Variants in POLG2 observed in about 807,000 individuals in gnomAD.
POLG2 encodes the protein DNA polymerase gamma 2, accessory subunit.
A neutral mutation model predicts 56.5 loss-of-function variants in POLG2; 50 were observed. That is an observed-to-expected ratio of 0.88 (90% CI 0.71 to 1.12). The LOEUF is 1.12. POLG2 is among the 50% of genes most tolerant of loss of function. POLG2 has a pLI of 0.00. For missense variants in POLG2, 584 were observed against 583.3 expected, an observed-to-expected ratio of 1.00 and a Z score of -0.01; for synonymous variants, 226 against 222.6, an observed-to-expected ratio of 1.02 and a Z score of -0.14.
intron 3 of POLG2, 85 bp from the exon 4 acceptor site, chr17:64,491,054 G>T: frequency 9.4e-7 from 1 of 1,062,422 alleles, no homozygotes; most frequent in Non-Finnish European, 1.5e-6. Context: ...AATTTAAATT[G>T]TCCGATACTT....
At chr17:64,483,513 C>CAAA (rs537704912) in intron 5 of POLG2, among the ~76,000 whole-genome samples, 1 of 113,450 alleles carries the variant, frequency 8.8e-6, no homozygotes, top group African/African-American at 2.9e-5. Flanking sequence ...GATCCTGTCT[C>CAAA]AAAAAAAAAA....
chr17:64,479,591 AT>A (rs1239380868), intron 7 of POLG2, among the ~76,000 whole-genome samples: 2 of 152,364 alleles, frequency 1.3e-5, no homozygotes, highest in South Asian at 2.1e-4. Flanking sequence ...CTTAAAAAAA[AT>A]AACAAGAATG....
intron 4 of POLG2, among the ~76,000 whole-genome samples, chr17:64,486,724 A>G (rs1035043153): frequency 2.0e-5 from 3 of 152,162 alleles, no homozygotes; most frequent in Admixed American, 6.5e-5. Flanking sequence ...GGCCTTAGGG[A>G]AAAAAATGGT....
chr17:64,496,326 G>T, intron 1 of POLG2, 81 bp downstream of exon 1: 1 of 886,452 alleles, frequency 1.1e-6, no homozygotes, highest in Non-Finnish European at 1.8e-6. Flanking sequence ...TACAGGGCCA[G>T]TTGCAATCCC....
intron 5 of POLG2, chr17:64,484,277 A>G (rs1371246632): frequency 6.6e-6 from 1 of 152,270 alleles, no homozygotes; most frequent in Non-Finnish European, 1.5e-5. Flanking sequence ...ACACTTGAGC[A>G]AACACTCGAA....
chr17:64,491,660 C>T, intron 3 of POLG2: 1 of 1,337,546 alleles, frequency 7.5e-7, no homozygotes, highest in Non-Finnish European at 1.1e-6. Context: ...ACTGGTACTA[C>T]AACAAGTACA....
chr17:64,492,967 T>G lies in POLG2; in HGVS notation c.617A>C (p.Tyr206Ser). The stretch of plus-strand genomic sequence containing the variant: ...ACACACTCCAATCTGAGCAAGGCCA[T>G]AAGGTAGCCTCTTGTTTACCAGATC... ...CLDLVNKRLP[Y>S]GLAQIGVCFH... is the part of the protein sequence containing the mutation. Residue 206 changes from tyrosine (Y) to serine (S), a missense_variant, in exon 2 of 8, where the codon TAT becomes TCT. Coordinates refer to ENST00000539111, the MANE Select transcript of POLG2 (RefSeq NM_007215.4). 1 of 1,613,978 alleles carries G rather than the reference T, an allele frequency of 6.2e-7. No homozygotes were observed.
chr17:64,488,827 G>A (rs1416876296), intron 4 of POLG2, among the ~76,000 whole-genome samples: 1 of 152,006 alleles, frequency 6.6e-6, no homozygotes, highest in Non-Finnish European at 1.5e-5. Context: ...AATTAACCGG[G>A]CGTGGTGGCG....
rs782340170 is a variant in POLG2, at chr17:64,490,883, G to C, written c.882C>G (p.Pro294=). Residue 294 remains proline (P), a synonymous_variant, in exon 4 of 8, where the codon CCC becomes CCG. Coordinates refer to ENST00000539111, the MANE Select transcript of POLG2 (RefSeq NM_007215.4). ...RKGNKLYYNF[P]WGKELIETLW... ...GGGTTTCTATTAACTCCTTTCCCCA[G>C]GGAAAATTGTAGTAAAGTTTGTTTC... The C allele has an allele frequency of 3.0e-5, 49 of 1,613,520 alleles. No individual in the cohort carries two copies. The East Asian group carries it at 1.0e-3, about 34-fold the overall frequency.
chr17:64,491,668 A>G, intron 3 of POLG2: 1 of 1,299,294 alleles, frequency 7.7e-7, no homozygotes, highest in South Asian at 1.2e-5. Context: ...TACAACAAGT[A>G]CATCAACGTG....
intron 1 of POLG2, among the ~76,000 whole-genome samples, chr17:64,496,097 G>A (rs2038146163): frequency 6.6e-6 from 1 of 152,212 alleles, no homozygotes; most frequent in Admixed American, 6.5e-5. Flanking sequence ...AGTTCAAAAT[G>A]TCTGTGTAGT....
At chr17:64,478,761 G>A (rs2037808382) in intron 7 of POLG2, among the ~76,000 whole-genome samples, 2 of 151,970 alleles carry the variant, frequency 1.3e-5, no homozygotes, top group African/African-American at 2.4e-5. Context: ...GCTGGGCGTG[G>A]TGGCAGGCGC....
rs200846949 is a variant in POLG2, at chr17:64,492,748, C to T, written c.714G>A (p.Ser238=). ...TTCTCGGAGGAGTAAACCATACTAA[C>T]GAAGCTTCAGTCTTCTCACCAATAC... ...VKSIGEKTEA[S]LVWFTPPRTS... is the part of the protein sequence containing the mutation. The change falls in exon 3 of 8, where the codon TCG becomes TCA. Residue 238 remains serine, a synonymous_variant. Coordinates refer to ENST00000539111, the MANE Select transcript of POLG2 (RefSeq NM_007215.4). 24 of 1,612,644 alleles carry T rather than the reference C, an allele frequency of 1.5e-5. No individual in the cohort carries two copies. Among genetic ancestry groups the T allele is most frequent in the South Asian group, 3.3e-5 (3 of 91,038 alleles).
chr17:64,492,846 G>T, intron 2 of POLG2, 49 bp downstream of exon 2: 3 of 1,609,510 alleles, frequency 1.9e-6, no homozygotes, highest in East Asian at 2.2e-5. Context: ...GAAATGACTG[G>T]TTTTTGACTA....
chr17:64,485,668 A>T, intron 5 of POLG2, 60 bp downstream of exon 5: 1 of 1,314,988 alleles, frequency 7.6e-7, no homozygotes, highest in Non-Finnish European at 1.1e-6. Flanking sequence ...CACTAACATT[A>T]AGAACAAACA....
At chr17:64,482,764 G>A (rs2037883330) in intron 6 of POLG2, among the ~76,000 whole-genome samples, 155 bp downstream of exon 6, 1 of 152,146 alleles carries the variant, frequency 6.6e-6, no homozygotes, top group Admixed American at 6.5e-5. Flanking sequence ...TGAGTTCAAA[G>A]GAAATGCTCA....
intron 1 of POLG2, among the ~76,000 whole-genome samples, chr17:64,494,900 G>A (rs894348098): frequency 7.9e-5 from 12 of 152,298 alleles, no homozygotes; most frequent in African/African-American, 2.6e-4. Context: ...GAGGCCGGGC[G>A]CAGTGGCTCA....
chr17:64,480,458 G>T, intron 6 of POLG2, 69 bp from the exon 7 acceptor site: 1 of 750,956 alleles, frequency 1.3e-6, no homozygotes, highest in Non-Finnish European at 2.3e-6. Context: ...TTCTATTTTT[G>T]TGAAGCCACA....
intron 1 of POLG2, among the ~76,000 whole-genome samples, chr17:64,495,039 G>A (rs1263229519): frequency 1.3e-5 from 2 of 152,080 alleles, no homozygotes; most frequent in African/African-American, 4.8e-5. Context: ...CAGGCGTGGT[G>A]GCAAGTGCCT....
Sources: gnomAD v4.1 joint callset for allele counts (sites outside exome capture counted in the v4.1 genomes callset) on GRCh38, gnomAD v4.1.1 for gene constraint, MANE v1.5 for transcripts, NCBI Gene and HGNC (gene_info 2026-07-23, HGNC 2026-07-21) for gene names.